The following COL5A1 variants were observed in gnomAD, a reference collection of about 807,000 sequenced individuals.
The protein encoded by COL5A1 is collagen type V alpha 1 chain, also known as collagen alpha-1(V) chain.
A neutral mutation model predicts 263.7 loss-of-function variants in COL5A1; 16 were observed. The ratio of observed to expected loss-of-function variants is 0.06; its 90% CI spans 0.04 to 0.09. The LOEUF (loss-of-function observed/expected upper bound fraction) is 0.09, where lower values mean the gene tolerates loss of function less well. COL5A1 is among the 10% of genes least tolerant of loss of function. The pLI, the probability that COL5A1 is intolerant of heterozygous loss-of-function variation, is 1.00. For missense variants in COL5A1, 2,036 were observed against 2,540.5 expected (o/e 0.80, Z 4.27); for synonymous variants, 1,012 against 1,004.5 (o/e 1.01, Z -0.14).
At chr9:134,671,254 C>T (rs1832531670) in intron 1 of COL5A1, among the ~76,000 whole-genome samples, 1 of 152,204 alleles carries the variant, frequency 6.6e-6, no homozygotes. Context: ...TGAAGCTTGG[C>T]TCCATTAACC....
intron 27 of COL5A1, among the ~76,000 whole-genome samples, chr9:134,775,445 C>T (rs1228602318): frequency 6.6e-6 from 1 of 152,258 alleles, no homozygotes; most frequent in African/African-American, 2.4e-5. Context: ...CATTTATTCA[C>T]AATCATTCGT....
rs117440662 is a variant in COL5A1, at chr9:134,694,948, C to T, written c.277+3869C>T. Among the ~76,000 whole-genome samples, 413 of 152,268 alleles carry T rather than the reference C, an allele frequency of 2.7e-3. 2 individuals carry two copies. The highest frequency in any genetic ancestry group is 4.2e-3 in the Non-Finnish European group (285 of 68,006). On this transcript the variant is annotated intron_variant, in intron 2 of 65. Coordinates refer to ENST00000371817, the MANE Select transcript of COL5A1 (RefSeq NM_000093.5). Reference sequence around the variant, plus strand: ...ACTGGGGGCCCGGGATGGTGTGCTCCCTGCCTTGTTGACCCAGCACTGCTT... The same window carrying T: ...ACTGGGGGCCCGGGATGGTGTGCTCTCTGCCTTGTTGACCCAGCACTGCTT...
intron 65 of COL5A1, 72 bp downstream of exon 65, chr9:134,835,276 T>TAAAC (rs1839812397): frequency 7.3e-7 from 1 of 1,373,528 alleles, no homozygotes; most frequent in African/African-American, 1.4e-5. Context: ...TCAGCACGGG[T>TAAAC]TTACCTGTCC....
intron 44 of COL5A1, chr9:134,810,595 A>T (rs1838487725): frequency 2.2e-6 from 1 of 455,948 alleles, no homozygotes; most frequent in Non-Finnish European, 3.9e-6. Flanking sequence ...TTCTGCAGAC[A>T]CACCCATTGC....
intron 32 of COL5A1, among the ~76,000 whole-genome samples, chr9:134,790,605 CCCATCCATCCATCCATCCAT>C (rs58733002): frequency 8.3e-5 from 7 of 84,548 alleles, no homozygotes; most frequent in Admixed American, 1.3e-4. Context: ...CATCCACCCA[CCCATCCATCCATCCATCCAT>C]CCATCCATCC....
intron 1 of COL5A1, among the ~76,000 whole-genome samples, chr9:134,669,522 C>A (rs1199302324): frequency 6.6e-6 from 1 of 152,046 alleles, no homozygotes; most frequent in Non-Finnish European, 1.5e-5. Flanking sequence ...ACTGTCTACA[C>A]TAGGCGGCCA....
In COL5A1 at chr9:134,842,386, C is replaced by T. The variant is rs13946; in HGVS notation, c.*83C>T. On this transcript the variant is annotated 3_prime_UTR_variant, in exon 66 of 66. Coordinates refer to ENST00000371817, the MANE Select transcript of COL5A1 (RefSeq NM_000093.5). The surrounding 1 kb of genome is among the most constrained non-coding windows in gnomAD (Gnocchi z 5.8). Reference sequence around the variant, plus strand: ...CGTGAGTGTCCCGTGCACGTCCTGACCCTGGACAGTGAAGGCTTCTCCCTC... The same window carrying T: ...CGTGAGTGTCCCGTGCACGTCCTGATCCTGGACAGTGAAGGCTTCTCCCTC... 0.74 allele frequency: 1,128,664 copies of T among 1,532,632 alleles called. 417,355 individuals are homozygous for T. The highest frequency in any genetic ancestry group is 0.85 in the African/African-American group (62,376 of 73,522). The allele number at this position is 1,532,632 out of a possible 1,614,324, so 94.9% of individuals were successfully genotyped here. A position where few individuals can be genotyped will look rare whatever the true frequency, so the allele number is the denominator to read the frequency against.
rs149297824 is a variant in COL5A1 at position 134,671,817 on chromosome 9, C to T, written c.110-19095C>T. On this transcript the variant is annotated intron_variant, in intron 1 of 65. Transcript: ENST00000371817. The stretch of plus-strand genomic sequence containing the variant: ...ATTTCCTTGTATTTCTAAATCTGCC[C>T]GTTGTAATGAAACCGTAAAGGCAAG... Among the ~76,000 whole-genome samples the T allele has an allele frequency of 4.7e-3, 710 of 152,308 alleles. 7 individuals are homozygous for T. Among genetic ancestry groups the T allele is most frequent in the African/African-American group, 0.016 (652 of 41,578 alleles).
intron 11 of COL5A1, among the ~76,000 whole-genome samples, chr9:134,748,760 C>T (rs939191445): frequency 1.3e-5 from 2 of 152,170 alleles, no homozygotes; most frequent in African/African-American, 2.4e-5. Context: ...TATGTTAGCA[C>T]GTCTGTCGGG....
Position 134,818,221 on chromosome 9 carries a change from G to T in COL5A1, c.4230+390G>T, listed in dbSNP as rs943426807. Among the ~76,000 whole-genome samples, 1 of 152,204 alleles carries T rather than the reference G, an allele frequency of 6.6e-6. No individual in the cohort carries two copies. ...GGTGACCGTGTCTGCTGCGGGGCCC[G>T]TGCAGAAGATGGGACGCCGTCACCC... is the stretch of plus-strand genomic sequence containing the variant. On this transcript the variant is annotated intron_variant, in intron 54 of 65. Transcript: ENST00000371817. The surrounding 1 kb of genome is among the most constrained non-coding windows in gnomAD (Gnocchi z 6.0).
intron 2 of COL5A1, among the ~76,000 whole-genome samples, chr9:134,694,345 C>G (rs528128015): frequency 7.7e-4 from 117 of 152,364 alleles, no homozygotes; most frequent in Non-Finnish European, 1.3e-3. Flanking sequence ...TCCACCCACA[C>G]TGGCACCACC....
At chr9:134,663,480 T>C (rs1832269707) in intron 1 of COL5A1, among the ~76,000 whole-genome samples, 1 of 152,226 alleles carries the variant, frequency 6.6e-6, no homozygotes, top group Admixed American at 6.5e-5. Flanking sequence ...CCATGGGCAC[T>C]TGAGGGGGGA....
chr9:134,679,402 C>G (rs1488283326), intron 1 of COL5A1, among the ~76,000 whole-genome samples: 136 of 38,736 alleles, frequency 3.5e-3, no homozygotes, highest in African/African-American at 0.012. Context: ...TGTGGGGCTT[C>G]TTAGGGGGCA....
chr9:134,723,644 C>A (rs1003540424), intron 4 of COL5A1, among the ~76,000 whole-genome samples: 1 of 152,182 alleles, frequency 6.6e-6, no homozygotes, highest in Non-Finnish European at 1.5e-5. Flanking sequence ...CGGGTGCTGG[C>A]GTGCACCCAG....
intron 4 of COL5A1, among the ~76,000 whole-genome samples, chr9:134,724,815 G>A (rs1023482046): frequency 1.3e-5 from 2 of 152,132 alleles, no homozygotes; most frequent in African/African-American, 2.4e-5. Flanking sequence ...GGGCCTCGGC[G>A]GGGGAGGTGG....
intron 2 of COL5A1, among the ~76,000 whole-genome samples, chr9:134,695,604 C>T (rs906774834): frequency 2.0e-5 from 3 of 152,126 alleles, no homozygotes; most frequent in African/African-American, 7.2e-5. Flanking sequence ...CTCCCCTGTA[C>T]CCCCATAGAG....
intron 57 of COL5A1, among the ~76,000 whole-genome samples, chr9:134,819,737 G>A (rs984276639): frequency 3.8e-4 from 58 of 152,268 alleles, no homozygotes; most frequent in African/African-American, 1.2e-3. Flanking sequence ...CTTTCTTTCC[G>A]TGTCAGTCCA....
Position 134,768,415 on chromosome 9 carries a change from C to T in COL5A1, c.2238C>T (p.Pro746=), listed in dbSNP as rs373617798. The change falls in exon 25 of 66, where the codon CCC becomes CCT. Residue 746 remains proline, a synonymous_variant. Coordinates refer to ENST00000371817, the MANE Select transcript of COL5A1 (RefSeq NM_000093.5). ...GAGTCTCTGGTTTGTTCTAGGGTCC[C>T]TTGGGGAAACCAGGCCTTCCAGGAA... ...GAIGPPGEKG[P]LGKPGLPGMP... 1.7e-5 allele frequency: 27 copies of T among 1,613,946 alleles called. No individual in the cohort carries two copies. The highest frequency in any genetic ancestry group is 2.1e-5 in the Non-Finnish European group (25 of 1,179,986).
intron 2 of COL5A1, among the ~76,000 whole-genome samples, chr9:134,692,753 A>G (rs548771687): frequency 1.3e-5 from 2 of 152,160 alleles, no homozygotes; most frequent in Non-Finnish European, 2.9e-5. Flanking sequence ...ACAGTATCTC[A>G]GGAATACGGG....
Sources: allele counts gnomAD v4.1 joint callset (sites outside exome capture counted in the v4.1 genomes callset), GRCh38; gene constraint gnomAD v4.1.1; non-coding constraint Gnocchi (gnomAD v3.1); transcripts MANE v1.5; gene names NCBI Gene and HGNC (gene_info 2026-07-23, HGNC 2026-07-21).